Variants in PHF14 observed in about 807,000 individuals in gnomAD.
The protein encoded by PHF14 is PHD finger protein 14.
Under a neutral mutation model 117.9 loss-of-function variants are expected in PHF14, and 55 were observed. That is an observed-to-expected ratio of 0.47 (90% CI 0.38 to 0.58). The LOEUF (loss-of-function observed/expected upper bound fraction) is 0.58, where lower values mean the gene tolerates loss of function less well. PHF14 is among the 20% of genes least tolerant of loss of function. The probability of loss-of-function intolerance (pLI) is 0.00; values close to 1 mark genes in which losing one functional copy is unlikely to be tolerated. For synonymous variants in PHF14, 409 were observed against 368.6 expected (o/e 1.11, Z -1.26); for missense variants, 978 against 1,122.2 (o/e 0.87, Z 1.84).
At chr7:11,010,685 T>C (rs1254482042) in intron 4 of PHF14, among the ~76,000 whole-genome samples, 1 of 152,088 alleles carries the variant, frequency 6.6e-6, no homozygotes. Context: ...ATATATACTT[T>C]TTTGAGACGA....
intron 17 of PHF14, among the ~76,000 whole-genome samples, chr7:11,123,334 T>C (rs1282681655): frequency 6.6e-6 from 1 of 152,230 alleles, no homozygotes; most frequent in East Asian, 1.9e-4. Context: ...ATTGGCCGTT[T>C]CCTCTTATAG....
At chr7:11,141,421 C>G (rs1196631000) in intron 17 of PHF14, among the ~76,000 whole-genome samples, 2 of 152,144 alleles carry the variant, frequency 1.3e-5, no homozygotes, top group South Asian at 4.1e-4. Context: ...GAATCTGGTG[C>G]TCATTTTCTG....
At chr7:11,112,060 C>T (rs1277842997) in intron 17 of PHF14, among the ~76,000 whole-genome samples, 1 of 152,038 alleles carries the variant, frequency 6.6e-6, no homozygotes, top group Non-Finnish European at 1.5e-5. Context: ...ACATTCTAAA[C>T]TTACATTGTA....
Position 11,047,377 on chromosome 7 carries a change from C to T in PHF14, c.2313-4235C>T, listed in dbSNP as rs896073615. On this transcript the variant is annotated intron_variant, in intron 13 of 17. Coordinates refer to ENST00000634607, the MANE Select transcript of PHF14 (RefSeq NM_001007157.2). ...CTACTGTGCCTGGCTTAAATTAGTA[C>T]ACTTTCTTGTCTAAGCACTATTAAA... 9.9e-5 allele frequency among the ~76,000 whole-genome samples: 15 copies of T among 151,900 alleles called. 2 individuals are homozygous for T. Among genetic ancestry groups the T allele is most frequent in the Admixed American group, 9.8e-4 (15 of 15,252 alleles).
intron 5 of PHF14, among the ~76,000 whole-genome samples, chr7:11,016,244 C>G (rs1386237606): frequency 6.6e-6 from 1 of 151,862 alleles, no homozygotes; most frequent in Non-Finnish European, 1.5e-5. Context: ...TAGGCCTTCA[C>G]AATATTTCCA....
intron 16 of PHF14, chr7:11,103,175 C>G (rs990104053): frequency 1.5e-5 from 15 of 976,878 alleles, no homozygotes; most frequent in Non-Finnish European, 1.8e-5. Context: ...ACTTATTAGT[C>G]CTAGTGTGAA....
chr7:11,064,157 AT>A (rs1318771475), intron 16 of PHF14, among the ~76,000 whole-genome samples: 1 of 151,988 alleles, frequency 6.6e-6, no homozygotes, highest in Non-Finnish European at 1.5e-5. Context: ...TTTAAAAAAA[AT>A]ACATTGTTTA....
At chr7:11,052,060 A>G (rs1356936924) in intron 14 of PHF14, among the ~76,000 whole-genome samples, 6 of 152,206 alleles carry the variant, frequency 3.9e-5, no homozygotes, top group Admixed American at 3.9e-4. Flanking sequence ...AGTTTCCCGT[A>G]AACCCCTCGA....
intron 7 of PHF14, among the ~76,000 whole-genome samples, chr7:11,029,642 A>C (rs1002850639): frequency 2.6e-5 from 4 of 152,168 alleles, no homozygotes; most frequent in Admixed American, 6.5e-5. Flanking sequence ...GAATATTGCA[A>C]AAAATTTTCA....
intron 16 of PHF14, among the ~76,000 whole-genome samples, chr7:11,093,725 A>G (rs1406703612): frequency 6.6e-6 from 1 of 152,136 alleles, no homozygotes; most frequent in Non-Finnish European, 1.5e-5. Flanking sequence ...TCAGCCTCCA[A>G]AGAATCACAA....
At chr7:11,074,880 C>A (rs956188368) in intron 16 of PHF14, among the ~76,000 whole-genome samples, 4 of 151,820 alleles carry the variant, frequency 2.6e-5, no homozygotes, top group Non-Finnish European at 4.4e-5. Context: ...GCCCTCTAAA[C>A]TCTTCCAACC....
chr7:11,128,364 TAA>T (rs978427088), intron 17 of PHF14, among the ~76,000 whole-genome samples: 1 of 151,936 alleles, frequency 6.6e-6, no homozygotes, highest in African/African-American at 2.4e-5. Flanking sequence ...CTCTCAGCCT[TAA>T]AAAAAGTCTT....
At position 11,031,089 on chromosome 7, in the gene PHF14, C is replaced by T. The variant is rs142914337; in HGVS notation, c.1455+2271C>T. Among the ~76,000 whole-genome samples the T allele has an allele frequency of 3.5e-3, 536 of 151,920 alleles. 6 individuals are homozygous for T. Among genetic ancestry groups the T allele is most frequent in the African/African-American group, 0.012 (517 of 41,446 alleles). On this transcript the variant is annotated intron_variant, in intron 7 of 17. Coordinates refer to ENST00000634607, the MANE Select transcript of PHF14 (RefSeq NM_001007157.2). ...ATCTATGTTTGTGAGCATATCTTGC[C>T]TTCTATTTCCATTTTATACTCTTTA...
chr7:11,127,139 C>T (rs1031596346), intron 17 of PHF14, among the ~76,000 whole-genome samples: 39 of 151,850 alleles, frequency 2.6e-4, no homozygotes, highest in African/African-American at 8.7e-4. Context: ...AAAGTCCAGT[C>T]CAGTTTAATG....
intron 17 of PHF14, among the ~76,000 whole-genome samples, chr7:11,128,852 T>A (rs1437546222): frequency 2.0e-5 from 3 of 151,950 alleles, no homozygotes; most frequent in Non-Finnish European, 4.4e-5. Flanking sequence ...CTTAATTAAA[T>A]GTCCAGTTTA....
chr7:11,074,033 C>A (rs944922752), intron 16 of PHF14, among the ~76,000 whole-genome samples: 2 of 152,126 alleles, frequency 1.3e-5, no homozygotes, highest in Non-Finnish European at 2.9e-5. Context: ...TCTTAGACCT[C>A]TGGGCCTGTG....
intron 17 of PHF14, among the ~76,000 whole-genome samples, chr7:11,154,941 T>G (rs959181353): frequency 1.3e-5 from 2 of 152,130 alleles, no homozygotes; most frequent in Admixed American, 1.3e-4. Context: ...GGCTTCTATT[T>G]AATAACATAA....
intron 16 of PHF14, chr7:11,106,145 G>C (rs1329258967): frequency 3.1e-6 from 3 of 982,590 alleles, no homozygotes; most frequent in East Asian, 1.1e-4. Context: ...TCATTTTCTT[G>C]TTTCACATTT....
intron 16 of PHF14, among the ~76,000 whole-genome samples, chr7:11,098,797 T>C (rs940179632): frequency 2.6e-5 from 4 of 152,200 alleles, no homozygotes; most frequent in Non-Finnish European, 4.4e-5. Context: ...TTTGTATTCT[T>C]GTTCATAAAA....
Sources: gnomAD v4.1 joint callset for allele counts (sites outside exome capture counted in the v4.1 genomes callset) on GRCh38, gnomAD v4.1.1 for gene constraint, MANE v1.5 for transcripts, NCBI Gene and HGNC (gene_info 2026-07-23, HGNC 2026-07-21) for gene names.